Variants in UBR3 observed in about 807,000 individuals in gnomAD.
UBR3 encodes the protein ubiquitin protein ligase E3 component n-recognin 3.
UBR3 carries 85 observed loss-of-function variants against 243.2 expected under a neutral mutation model. The observed-to-expected ratio is 0.35, with a 90% CI of 0.29 to 0.42. The LOEUF (loss-of-function observed/expected upper bound fraction) is 0.42. Among genes scored for constraint, UBR3 ranks in the 10% least tolerant of loss-of-function variants. The probability of loss-of-function intolerance (pLI) is 1.00; values close to 1 mark genes in which losing one functional copy is unlikely to be tolerated. For missense variants in UBR3, 1,686 were observed against 2,300.8 expected (o/e 0.73, Z 5.47); for synonymous variants, 748 against 799.8 (o/e 0.94, Z 1.09).
chr2:169,958,553 T>C (rs1468509377), intron 24 of UBR3, 27 bp downstream of exon 24: 1 of 1,585,720 alleles, frequency 6.3e-7, no homozygotes, highest in Non-Finnish European at 8.6e-7. Context: ...AGTTTAGAAC[T>C]CTCATAATTA....
chr2:170,011,875 G>T (rs1048522520), intron 29 of UBR3, among the ~76,000 whole-genome samples: 1 of 151,914 alleles, frequency 6.6e-6, no homozygotes, highest in African/African-American at 2.4e-5. Flanking sequence ...GGGGAAGAAG[G>T]TTTTCTTTTT....
intron 10 of UBR3, 132 bp from the exon 11 acceptor site, chr2:169,913,928 G>A (rs953679811): frequency 5.5e-6 from 2 of 362,682 alleles, no homozygotes; most frequent in Non-Finnish European, 9.1e-6. Context: ...TTCTTGAAAT[G>A]GCAAATATAA....
chr2:169,897,504 A>T (rs1337976405), intron 8 of UBR3, among the ~76,000 whole-genome samples: 1 of 151,864 alleles, frequency 6.6e-6, no homozygotes, highest in Non-Finnish European at 1.5e-5. Flanking sequence ...CATAATTTTT[A>T]TTATTATTTT....
chr2:170,060,419 C>T (rs915059393), intron 33 of UBR3, among the ~76,000 whole-genome samples: 6 of 151,604 alleles, frequency 4.0e-5, no homozygotes, highest in Non-Finnish European at 1.5e-5. Flanking sequence ...ATATATTGTC[C>T]TATTTTATTT....
intron 23 of UBR3, among the ~76,000 whole-genome samples, chr2:169,955,509 C>T (rs2087237617): frequency 6.6e-6 from 1 of 151,758 alleles, no homozygotes; most frequent in Non-Finnish European, 1.5e-5. Context: ...ATGTTCCAGG[C>T]TTGGCCAGGT....
chr2:169,952,162 G>C (rs1272861799), intron 23 of UBR3, among the ~76,000 whole-genome samples: 1 of 152,080 alleles, frequency 6.6e-6, no homozygotes, highest in African/African-American at 2.4e-5. Flanking sequence ...TAGAACTTAA[G>C]GGAAAAACAT....
intron 8 of UBR3, among the ~76,000 whole-genome samples, chr2:169,903,150 C>T (rs2084893691): frequency 6.6e-6 from 1 of 152,242 alleles, no homozygotes; most frequent in African/African-American, 2.4e-5. Flanking sequence ...AATCATTGCT[C>T]TTTATATCTG....
chr2:170,065,641 A>G (rs563617828), intron 35 of UBR3, among the ~76,000 whole-genome samples: 1 of 152,184 alleles, frequency 6.6e-6, no homozygotes, highest in Non-Finnish European at 1.5e-5. Context: ...AATTAATTCT[A>G]GAGGCTTTAT....
At chr2:169,965,708 C>T (rs1318433897) in intron 24 of UBR3, among the ~76,000 whole-genome samples, 1 of 152,114 alleles carries the variant, frequency 6.6e-6, no homozygotes, top group Non-Finnish European at 1.5e-5. Flanking sequence ...CCAAATGGGA[C>T]AGTATGAGAT....
intron 5 of UBR3, among the ~76,000 whole-genome samples, chr2:169,881,661 A>G (rs2083834129): frequency 1.5e-5 from 2 of 134,412 alleles, no homozygotes; most frequent in African/African-American, 5.7e-5. Flanking sequence ...GCTAGAGTGC[A>G]GTGATACTTT....
At chr2:169,933,366 C>T (rs1170359236) in intron 19 of UBR3, among the ~76,000 whole-genome samples, 4 of 152,080 alleles carry the variant, frequency 2.6e-5, no homozygotes, top group Admixed American at 6.5e-5. Context: ...GAGATGGTGA[C>T]GGGTGTCTGT....
chr2:169,868,679 T>C (rs907610693), intron 1 of UBR3, among the ~76,000 whole-genome samples: 12 of 152,250 alleles, frequency 7.9e-5, no homozygotes, highest in African/African-American at 2.9e-4. Flanking sequence ...AAATAATTCC[T>C]ATATCATCAA....
At chr2:169,989,587 G>C (rs1025670280) in intron 25 of UBR3, among the ~76,000 whole-genome samples, 1 of 152,010 alleles carries the variant, frequency 6.6e-6, no homozygotes, top group African/African-American at 2.4e-5. Flanking sequence ...TTGTTTATTA[G>C]CTGACATATA....
chr2:169,834,082 G>A (rs561225734), intron 1 of UBR3, among the ~76,000 whole-genome samples: 123 of 152,254 alleles, frequency 8.1e-4, no homozygotes, highest in African/African-American at 2.6e-3. Context: ...GCCACAGTGT[G>A]GTGCCTGGCC....
chr2:169,836,398 G>C (rs2082115338), intron 1 of UBR3, among the ~76,000 whole-genome samples: 1 of 151,626 alleles, frequency 6.6e-6, no homozygotes, highest in African/African-American at 2.4e-5. Flanking sequence ...CCAGGAATTT[G>C]AGGTCTTGTT....
intron 1 of UBR3, among the ~76,000 whole-genome samples, chr2:169,869,570 A>G (rs2083373179): frequency 6.6e-6 from 1 of 152,148 alleles, no homozygotes; most frequent in South Asian, 2.1e-4. Flanking sequence ...TGTAACCACA[A>G]TATTGTTATC....
chr2:169,987,984 G>T (rs1393843388), intron 25 of UBR3, among the ~76,000 whole-genome samples: 1 of 152,168 alleles, frequency 6.6e-6, no homozygotes. Context: ...ATGATGCCTA[G>T]TAAATTCGTT....
At chr2:169,966,979 T>C (rs2087841921) in intron 24 of UBR3, among the ~76,000 whole-genome samples, 1 of 152,190 alleles carries the variant, frequency 6.6e-6, no homozygotes, top group Non-Finnish European at 1.5e-5. Flanking sequence ...TGGTTGATCA[T>C]GATGAGGATG....
rs117528502 is a variant in UBR3 at position 169,890,381 on chromosome 2, C to A, written c.1039-784C>A. On this transcript the variant is annotated intron_variant, in intron 5 of 38. Coordinates refer to ENST00000272793, the MANE Select transcript of UBR3 (RefSeq NM_172070.4). ...GCCTTAAACCACCACATGATGTTTG[C>A]CTGGGCCTGCAAATGATCTTCCCAG... Among the ~76,000 whole-genome samples the A allele has an allele frequency of 4.4e-4, 67 of 151,606 alleles. No individual in the cohort carries two copies. The East Asian group carries it at 0.011, about 24-fold the overall frequency.
Sources: gnomAD v4.1 joint callset for allele counts (sites outside exome capture counted in the v4.1 genomes callset) on GRCh38, gnomAD v4.1.1 for gene constraint, MANE v1.5 for transcripts, NCBI Gene and HGNC (gene_info 2026-07-23, HGNC 2026-07-21) for gene names.